TEN1: variants seen among roughly 807,000 people sequenced by gnomAD.
TEN1 encodes CST complex subunit TEN1.
Under a neutral mutation model 9.3 loss-of-function variants are expected in TEN1, and 6 were observed. The observed-to-expected ratio is 0.65, with a 90% CI of 0.35 to 1.27. The LOEUF is 1.27. Among genes scored for constraint, TEN1 ranks in the 50% most tolerant of loss-of-function variants. The probability of loss-of-function intolerance (pLI) is 0.03; values close to 1 mark genes in which losing one functional copy is unlikely to be tolerated. For synonymous variants in TEN1, 65 were observed against 65.6 expected (o/e 0.99, Z 0.04); for missense variants, 149 against 158.2 (o/e 0.94, Z 0.31).
Position 76,000,281 on chromosome 17 carries a change from C to A in TEN1, c.*19C>A. 6.5e-7 allele frequency: 1 copy of A among 1,547,882 alleles called. No homozygotes were observed. Among genetic ancestry groups the A allele is most frequent in the Admixed American group, 2.0e-5 (1 of 50,720 alleles). On this transcript the variant is annotated 3_prime_UTR_variant, in exon 4 of 4. Transcript: ENST00000397640. This position sits in a 1 kb window ranked among gnomAD's most constrained non-coding sequence, Gnocchi z 5.9. ...CCAGTAGGAAACAGCAGCCTAGCAA[C>A]ACCCTCACCTGCTTCAGAGCCCGAA...
rs963197562 is a variant in TEN1, at chr17:75,979,325, C to T, written c.-193C>T. 17 of 596,448 alleles carry T rather than the reference C, an allele frequency of 2.9e-5. No individual in the cohort carries two copies. Among genetic ancestry groups the T allele is most frequent in the Admixed American group, 5.8e-5 (2 of 34,380 alleles). 36.9% of individuals were successfully genotyped at this position (596,448 alleles called of 1,614,324 possible). On this transcript the variant is annotated 5_prime_UTR_variant, in exon 1 of 4. Transcript: ENST00000397640. Reference sequence around the variant, plus strand: ...GGCCGGTCGCGGGGCAGACTAATCCCCTGCTCCTGGCCAGGGGAGGCTCCC... The same window carrying T: ...GGCCGGTCGCGGGGCAGACTAATCCTCTGCTCCTGGCCAGGGGAGGCTCCC...
chr17:75,993,479 GCCC>G (rs2066199910), intron 3 of TEN1, among the ~76,000 whole-genome samples: 1 of 152,092 alleles, frequency 6.6e-6, no homozygotes, highest in South Asian at 2.1e-4. Context: ...CACTTTAAAA[GCCC>G]TGACAAAATA....
chr17:75,986,887 A>G (rs940843098), intron 2 of TEN1, among the ~76,000 whole-genome samples: 3 of 152,106 alleles, frequency 2.0e-5, no homozygotes, highest in Admixed American at 1.3e-4. Context: ...ATGTGTTTGT[A>G]TATGTGGGTG....
Position 76,000,005 on chromosome 17 carries a change from A to G in TEN1, c.251-136A>G, listed in dbSNP as rs981138616. 36 of 1,366,172 alleles carry G rather than the reference A, an allele frequency of 2.6e-5. No homozygotes were observed. The highest frequency in any genetic ancestry group is 3.5e-5 in the Non-Finnish European group (36 of 1,024,026). 84.6% of individuals were successfully genotyped at this position (1,366,172 alleles called of 1,614,324 possible). ...CCAAATACTCAGTTGCCTTTGCCCC[A>G]TATGCTGTTATTGTCCACATCACTT... On this transcript the variant is annotated intron_variant, in intron 3 of 3. Coordinates refer to ENST00000397640, the MANE Select transcript of TEN1 (RefSeq NM_001113324.3). The surrounding 1 kb of genome is among the most constrained non-coding windows in gnomAD (Gnocchi z 5.9).
intron 2 of TEN1, among the ~76,000 whole-genome samples, chr17:75,986,582 T>A (rs975130752): frequency 2.6e-5 from 4 of 151,800 alleles, no homozygotes; most frequent in African/African-American, 9.7e-5. Context: ...ATGCCTATAA[T>A]CCCAGCTAAT....
At chr17:75,990,114 C>T (rs967986361) in intron 2 of TEN1, among the ~76,000 whole-genome samples, 3 of 150,612 alleles carry the variant, frequency 2.0e-5, no homozygotes, top group Non-Finnish European at 4.4e-5. Context: ...GGTACGATCT[C>T]GGCTCACTGC....
intron 1 of TEN1, 70 bp downstream of exon 1, chr17:75,979,581 C>T (rs1031390919): frequency 7.8e-5 from 19 of 242,782 alleles, no homozygotes; most frequent in Middle Eastern, 1.8e-3. Flanking sequence ...ACTTGCCCCC[C>T]TCTTACCCCG....
intron 2 of TEN1, among the ~76,000 whole-genome samples, chr17:75,987,730 A>C (rs2066160229): frequency 6.6e-6 from 1 of 151,782 alleles, no homozygotes; most frequent in South Asian, 2.1e-4. Flanking sequence ...TAGCCGGACC[A>C]AAATGGCGAA....
intron 3 of TEN1, among the ~76,000 whole-genome samples, chr17:75,991,836 C>A (rs1380690286): frequency 6.6e-6 from 1 of 152,096 alleles, no homozygotes; most frequent in African/African-American, 2.4e-5. Flanking sequence ...GGTGGCTGGT[C>A]AGGAGTTCGA....
intron 3 of TEN1, among the ~76,000 whole-genome samples, chr17:75,999,825 T>A (rs1296813998): frequency 6.6e-6 from 1 of 152,060 alleles, no homozygotes; most frequent in East Asian, 1.9e-4. Flanking sequence ...GTCTCTTGGA[T>A]TTTTAAAATA....
intron 1 of TEN1, among the ~76,000 whole-genome samples, chr17:75,984,105 T>C (rs2066138163): frequency 6.6e-6 from 1 of 152,178 alleles, no homozygotes; most frequent in Admixed American, 6.6e-5. Flanking sequence ...GTAAACTAAA[T>C]GTCTCCCAAA....
rs753994253 is a variant in TEN1, at chr17:76,000,312, T to C, written c.*50T>C. On this transcript the variant is annotated 3_prime_UTR_variant, in exon 4 of 4. Coordinates refer to ENST00000397640, the MANE Select transcript of TEN1 (RefSeq NM_001113324.3). This position sits in a 1 kb window ranked among gnomAD's most constrained non-coding sequence, Gnocchi z 5.9. ...CACCTGCTTCAGAGCCCGAACCCTCTGGAGCTGCAGGAGCCCGGGAGAGCA... is the reference window on the plus strand; with the variant it reads ...CACCTGCTTCAGAGCCCGAACCCTCCGGAGCTGCAGGAGCCCGGGAGAGCA... 45 of 1,529,194 alleles carry C rather than the reference T, an allele frequency of 2.9e-5. No individual in the cohort carries two copies. The highest frequency in any genetic ancestry group is 6.2e-6 in the Non-Finnish European group (7 of 1,134,200). 94.7% of individuals were successfully genotyped at this position (1,529,194 alleles called of 1,614,324 possible).
At position 75,981,603 on chromosome 17, in the gene TEN1, T is replaced by G. The variant is rs145582882; in HGVS notation, c.-7+2092T>G. Among the ~76,000 whole-genome samples the G allele has an allele frequency of 7.4e-4, 113 of 151,890 alleles. 1 individual carries two copies. Among genetic ancestry groups the G allele is most frequent in the African/African-American group, 2.5e-3 (103 of 41,416 alleles). On this transcript the variant is annotated intron_variant, in intron 1 of 3. Coordinates refer to ENST00000397640, the MANE Select transcript of TEN1 (RefSeq NM_001113324.3). ...CAACCCACAAAGCAAGTTGTTTTTT[T>G]TTTTTTTTTTACCTTCTGTCCTCCT... is the stretch of plus-strand genomic sequence containing the variant.
chr17:75,979,270 C>A lies in TEN1; in HGVS notation c.-248C>A. On this transcript the variant is annotated 5_prime_UTR_variant, in exon 1 of 4. Coordinates refer to ENST00000397640, the MANE Select transcript of TEN1 (RefSeq NM_001113324.3). ...GGCGCGTGAGTGACAGCGGCCCAGA[C>A]AGAGGGGGCGATGTCCGCGTCGTGG... 1.4e-6 allele frequency: 1 copy of A among 727,252 alleles called. No individual in the cohort carries two copies. The allele number at this position is 727,252 out of a possible 1,614,324, so 45.0% of individuals were successfully genotyped here. A position where few individuals can be genotyped will look rare whatever the true frequency, so the allele number is the denominator to read the frequency against.
At chr17:75,998,192 G>A (rs908887216) in intron 3 of TEN1, among the ~76,000 whole-genome samples, 2 of 137,774 alleles carry the variant, frequency 1.5e-5, no homozygotes, top group African/African-American at 5.6e-5. Context: ...TTTTGAGACA[G>A]AGTCTCATTC....
intron 1 of TEN1, among the ~76,000 whole-genome samples, chr17:75,979,885 TAGAATG>T (rs1168310684): frequency 6.6e-6 from 1 of 151,190 alleles, no homozygotes; most frequent in Non-Finnish European, 1.5e-5. Context: ...GACGGGGACT[TAGAATG>T]AGACCAAGCG....
intron 3 of TEN1, among the ~76,000 whole-genome samples, chr17:75,992,986 G>C (rs2144357804): frequency 6.8e-6 from 1 of 147,690 alleles, no homozygotes; most frequent in Middle Eastern, 3.7e-3. Flanking sequence ...TCTCGAGACA[G>C]AGTCTTGGTC....
intron 2 of TEN1, among the ~76,000 whole-genome samples, chr17:75,990,340 C>T (rs1302799718): frequency 2.0e-5 from 3 of 152,020 alleles, no homozygotes; most frequent in South Asian, 2.1e-4. Flanking sequence ...TGAGCCACCA[C>T]GCCCAGCTAG....
chr17:75,984,201 G>A (rs1476940218), intron 1 of TEN1, among the ~76,000 whole-genome samples: 1 of 152,118 alleles, frequency 6.6e-6, no homozygotes, highest in East Asian at 1.9e-4. Flanking sequence ...GCTCTCCCCC[G>A]CTGTCCTAAT....
Sources: allele counts gnomAD v4.1 joint callset (sites outside exome capture counted in the v4.1 genomes callset), GRCh38; gene constraint gnomAD v4.1.1; non-coding constraint Gnocchi (gnomAD v3.1); transcripts MANE v1.5; gene names NCBI Gene and HGNC (gene_info 2026-07-23, HGNC 2026-07-21).